Variants in ABCC10 observed in about 807,000 individuals in gnomAD.
ABCC10 encodes the protein ATP-binding cassette sub-family C member 10.
A neutral mutation model predicts 143.2 loss-of-function variants in ABCC10; 110 were observed. The ratio of observed to expected loss-of-function variants is 0.77; its 90% CI spans 0.66 to 0.90. ABCC10 has a LOEUF of 0.90. Ranked by LOEUF, ABCC10 falls within the 40% of genes least tolerant of loss-of-function variation. The pLI is 0.00. For synonymous variants in ABCC10, 805 were observed against 846.7 expected (o/e 0.95, Z 0.85); for missense variants, 1,700 against 1,900.5 (o/e 0.89, Z 1.96).
intron 8 of ABCC10, among the ~76,000 whole-genome samples, chr6:43,440,805 A>G (rs963315445): frequency 1.4e-5 from 2 of 143,686 alleles, no homozygotes; most frequent in African/African-American, 5.1e-5. Flanking sequence ...CGGAGGTTTC[A>G]GTGAGCCAAG....
At position 43,428,120 on chromosome 6, in the gene ABCC10, T is replaced by C; in HGVS notation, c.142T>C (p.Cys48Arg). The C allele has an allele frequency of 6.5e-7, 1 of 1,542,214 alleles. No individual in the cohort carries two copies. The highest frequency in any genetic ancestry group is 8.7e-7 in the Non-Finnish European group (1 of 1,145,610). The change falls in exon 2 of 22, where the codon TGT becomes CGT. Residue 48 changes from cysteine to arginine, a missense_variant. Physicochemically the swap from Cys to Arg is radical, Grantham distance 180. Coordinates refer to ENST00000372530, the MANE Select transcript of ABCC10 (RefSeq NM_001198934.2). ...PHALLAVLSA[C>R]YLGTPRSPDY... ...CGCGCTCCTCGCCGTGCTCAGTGCCTGTTACTTGGGCACCCCGAGGTGGGT... is the reference window on the plus strand; with the variant it reads ...CGCGCTCCTCGCCGTGCTCAGTGCCCGTTACTTGGGCACCCCGAGGTGGGT...
At chr6:43,438,572 G>A in intron 7 of ABCC10, 52 bp from the exon 8 acceptor site, 4 of 1,595,194 alleles carry the variant, frequency 2.5e-6, no homozygotes, top group Non-Finnish European at 3.4e-6. Flanking sequence ...GCTGGGCATG[G>A]AGGGACCCAG....
At chr6:43,431,976 C>G in intron 2 of ABCC10, 166 bp from the exon 3 acceptor site, 1 of 1,431,452 alleles carries the variant, frequency 7.0e-7, no homozygotes, top group Non-Finnish European at 9.2e-7. Context: ...GGGAAGACTT[C>G]CTGGGAGAAA....
In ABCC10 at chr6:43,444,000, G is replaced by C. The variant is rs775614402; in HGVS notation, c.2484G>C (p.Glu828Asp). 5 of 1,613,990 alleles carry C rather than the reference G, an allele frequency of 3.1e-6. No individual in the cohort carries two copies. The East Asian group carries it at 1.1e-4, about 36-fold the overall frequency. The change falls in exon 11 of 22, where the codon GAG becomes GAC. Residue 828 changes from glutamate to aspartate, a missense_variant. Physicochemically the swap from Glu to Asp is conservative, Grantham distance 45. Coordinates refer to ENST00000372530, the MANE Select transcript of ABCC10 (RefSeq NM_001198934.2). This position sits in a 1 kb window ranked among gnomAD's most constrained non-coding sequence, Gnocchi z 4.2. ...AAGCCTGGGCTGAGAATGGACAAGA[G>C]TCTGACTCAGGTATGGCTCCCCAGT... The part of the protein sequence containing the change: ...VPKAWAENGQ[E>D]SDSATAQSVQ...
chr6:43,444,368 G>C lies in ABCC10; in HGVS notation c.2689+15G>C. On this transcript the variant is annotated intron_variant, in intron 12 of 21. Transcript: ENST00000372530. ...TCTCATGCAAGGTGAGAGCGTGCCTGGGAGTCTCTTACATCGTAACGGCTG... is the reference window on the plus strand; with the variant it reads ...TCTCATGCAAGGTGAGAGCGTGCCTCGGAGTCTCTTACATCGTAACGGCTG... The C allele has an allele frequency of 6.3e-7, 1 of 1,588,246 alleles. No individual in the cohort carries two copies. Among genetic ancestry groups the C allele is most frequent in the Non-Finnish European group, 8.6e-7 (1 of 1,168,624 alleles).
At chr6:43,439,198 G>A (rs1267720167) in intron 8 of ABCC10, among the ~76,000 whole-genome samples, 3 of 152,048 alleles carry the variant, frequency 2.0e-5, no homozygotes, top group African/African-American at 4.8e-5. Context: ...CTTGCCCCCA[G>A]TCCAGAGTAC....
In ABCC10 at chr6:43,445,672, C is replaced by T. The variant is rs199964382; in HGVS notation, c.3104C>T (p.Ala1035Val). Residue 1035 changes from alanine to valine, a missense_variant, in exon 15 of 22, where the codon GCG becomes GTG. By Grantham distance (64) the Ala-to-Val change is moderately conservative (BLOSUM62 0). Coordinates refer to ENST00000372530, the MANE Select transcript of ABCC10 (RefSeq NM_001198934.2). ...CGCTTCTCCTCTGATGTGGCCTGTG[C>T]GGATGACAGCCTGCCCTTCATCCTC... ...LNRFSSDVAC[A>V]DDSLPFILNI... is the part of the protein sequence containing the mutation. 6 of 1,614,092 alleles carry T rather than the reference C, an allele frequency of 3.7e-6. No individual in the cohort carries two copies. Among genetic ancestry groups the T allele is most frequent in the African/African-American group, 1.3e-5 (1 of 74,930 alleles).
intron 3 of ABCC10, 75 bp downstream of exon 3, chr6:43,433,435 A>G (rs948567226): frequency 4.7e-6 from 7 of 1,490,008 alleles, no homozygotes; most frequent in Non-Finnish European, 5.4e-6. Flanking sequence ...TCCCATGCAC[A>G]CTACCTGAGG....
In ABCC10 at chr6:43,432,314, T is replaced by C; in HGVS notation, c.334T>C (p.Trp112Arg). ...GGCAGGGTGCGTGGCAGCTGTGGCC[T>C]GGATCAGCCACAGCCTGGCCCTGTG... ...VLAGCVAAVAWISHSLALWVL... is the reference protein window; with the variant it reads ...VLAGCVAAVARISHSLALWVL... The change falls in exon 3 of 22, where the codon TGG (tryptophan) becomes CGG (arginine). Residue 112 changes from tryptophan to arginine, a missense_variant. Physicochemically the swap from Trp to Arg is moderately radical, Grantham distance 101. Coordinates refer to ENST00000372530, the MANE Select transcript of ABCC10 (RefSeq NM_001198934.2). The C allele has an allele frequency of 6.2e-7, 1 of 1,614,132 alleles. No individual in the cohort carries two copies. The highest frequency in any genetic ancestry group is 1.1e-5 in the South Asian group (1 of 91,086).
chr6:43,451,058 G>A (rs773799897), downstream of ABCC10: 6 of 1,614,236 alleles, frequency 3.7e-6, no homozygotes, highest in Non-Finnish European at 5.1e-6. The surrounding 1 kb of genome is among the most constrained non-coding windows in gnomAD (Gnocchi z 4.4). Context: ...CATCCAGGTT[G>A]ATGGTGCAGA....
At position 43,433,050 on chromosome 6, in the gene ABCC10, G is replaced by A. The variant is rs1390226831; in HGVS notation, c.1070G>A (p.Gly357Glu). 6.2e-7 allele frequency: 1 copy of A among 1,614,030 alleles called. No individual in the cohort carries two copies. Residue 357 changes from glycine (G) to glutamate (E), a missense_variant, in exon 3 of 22, where the codon GGG (glycine) becomes GAG (glutamate). By Grantham distance (98) the Gly-to-Glu change is moderately conservative (BLOSUM62 -2). Coordinates refer to ENST00000372530, the MANE Select transcript of ABCC10 (RefSeq NM_001198934.2). ...TATAAGGTAACACTTCAGGCACGGG[G>A]GGCTGTGCTGAACATCCTGTACTGC... ...EVYKVTLQAR[G>E]AVLNILYCKA...
chr6:43,429,364 T>G (rs1206374793), intron 2 of ABCC10, among the ~76,000 whole-genome samples: 21 of 130,684 alleles, frequency 1.6e-4, no homozygotes, highest in South Asian at 2.5e-4. Context: ...CTTTCTTTCT[T>G]TTCTTTCTTG....
chr6:43,437,685 T>A (rs1781895264), intron 6 of ABCC10, among the ~76,000 whole-genome samples: 1 of 152,104 alleles, frequency 6.6e-6, no homozygotes, highest in Non-Finnish European at 1.5e-5. Context: ...GCTGCTCCCC[T>A]TCAGAGGCCC....
chr6:43,429,393 T>C (rs1780877459), intron 2 of ABCC10, among the ~76,000 whole-genome samples: 1 of 45,326 alleles, frequency 2.2e-5, no homozygotes, highest in Non-Finnish European at 4.7e-5. Context: ...TGTGTGTGTG[T>C]GTGTGTGTGT....
rs765842062 is a variant in ABCC10 at position 43,432,950 on chromosome 6, C to T, written c.970C>T (p.Leu324=). 1 of 1,614,060 alleles carries T rather than the reference C, an allele frequency of 6.2e-7. No homozygotes were observed. The highest frequency in any genetic ancestry group is 8.5e-7 in the Non-Finnish European group (1 of 1,180,036). ...GGGGCAGGAGCCACTAAGCCACGGC[C>T]TGCTCTATGCTCTGGGGCTAGCCGG... ...EEGQEPLSHG[L]LYALGLAGGA... Residue 324 remains leucine, a synonymous_variant, in exon 3 of 22, where the codon CTG becomes TTG. Coordinates refer to ENST00000372530, the MANE Select transcript of ABCC10 (RefSeq NM_001198934.2).
chr6:43,444,154 C>CA lies in ABCC10; in HGVS notation c.2495-4dup. 6.2e-7 allele frequency: 1 copy of CA among 1,611,094 alleles called. No individual in the cohort carries two copies. Among genetic ancestry groups the CA allele is most frequent in the Non-Finnish European group, 8.5e-7 (1 of 1,177,952 alleles). On this transcript the variant is annotated splice_region_variant and splice_polypyrimidine_tract_variant and intron_variant, in intron 11 of 21. Coordinates refer to ENST00000372530, the MANE Select transcript of ABCC10 (RefSeq NM_001198934.2). ...TAATTCTTCCATGACCCCTGATTCT[C>CA]ACAGCCACAGCCCAGTCAGTACAGA...
chr6:43,447,172 G>C (rs1460645911), intron 16 of ABCC10, 76 bp from the exon 17 acceptor site: 1 of 1,523,338 alleles, frequency 6.6e-7, no homozygotes, highest in Non-Finnish European at 8.9e-7. Flanking sequence ...AATGCCAGCA[G>C]TCCACAGCCT....
In ABCC10 at chr6:43,450,139, C is replaced by T. The variant is rs771005367; in HGVS notation, c.*48C>T. ...GTTCTCCCCTCTCTCTGATCCAGGC[C>T]GGGCCTATACAGAGGTGCTGGCTGC... is the stretch of plus-strand genomic sequence containing the variant. On this transcript the variant is annotated 3_prime_UTR_variant, in exon 22 of 22. Coordinates refer to ENST00000372530, the MANE Select transcript of ABCC10 (RefSeq NM_001198934.2). The surrounding 1 kb of genome is among the most constrained non-coding windows in gnomAD (Gnocchi z 4.5). 1.2e-5 allele frequency: 19 copies of T among 1,538,160 alleles called. No homozygotes were observed. Among genetic ancestry groups the T allele is most frequent in the Admixed American group, 5.7e-5 (3 of 52,222 alleles).
intron 6 of ABCC10, among the ~76,000 whole-genome samples, chr6:43,437,082 C>T (rs1024301927): frequency 1.3e-5 from 2 of 152,176 alleles, no homozygotes; most frequent in South Asian, 2.1e-4. Flanking sequence ...CAGAACCAGG[C>T]CTCAACTCGC....
Sources: allele counts gnomAD v4.1 joint callset (sites outside exome capture counted in the v4.1 genomes callset), GRCh38; gene constraint gnomAD v4.1.1; non-coding constraint Gnocchi (gnomAD v3.1); transcripts MANE v1.5; gene names NCBI Gene and HGNC (gene_info 2026-07-23, HGNC 2026-07-21).